Variants in PRKCA observed in about 807,000 individuals in gnomAD.
PRKCA encodes the protein protein kinase C alpha.
PRKCA carries 27 observed loss-of-function variants against 87.0 expected under a neutral mutation model. The observed-to-expected ratio is 0.31, with a 90% CI of 0.23 to 0.43. PRKCA has a LOEUF of 0.43. PRKCA is among the 20% of genes least tolerant of loss of function. The pLI is 1.00. For missense variants in PRKCA, 518 were observed against 852.3 expected, an observed-to-expected ratio of 0.61 and a Z score of 4.88; for synonymous variants, 329 against 311.1, an observed-to-expected ratio of 1.06 and a Z score of -0.61.
intron 10 of PRKCA, among the ~76,000 whole-genome samples, chr17:66,736,130 C>T (rs1032708846): frequency 1.3e-5 from 2 of 151,874 alleles, no homozygotes; most frequent in Admixed American, 6.5e-5. Context: ...GATCCCCCTA[C>T]GTTGGCCTCC....
intron 14 of PRKCA, among the ~76,000 whole-genome samples, chr17:66,786,047 C>A (rs1975380435): frequency 6.6e-6 from 1 of 152,206 alleles, no homozygotes; most frequent in African/African-American, 2.4e-5. Context: ...CCAGGATGGT[C>A]TCGATCACCT....
chr17:66,417,845 A>G (rs1366124390), intron 2 of PRKCA, among the ~76,000 whole-genome samples: 2 of 152,136 alleles, frequency 1.3e-5, no homozygotes, highest in Non-Finnish European at 2.9e-5. Flanking sequence ...TGCTCAGGCC[A>G]TTCTTTGGTT....
At chr17:66,501,187 T>C (rs1365696245) in intron 3 of PRKCA, among the ~76,000 whole-genome samples, 5 of 152,154 alleles carry the variant, frequency 3.3e-5, no homozygotes, top group African/African-American at 9.7e-5. Flanking sequence ...AGTAGCCAGA[T>C]GGGAAGACAT....
intron 3 of PRKCA, among the ~76,000 whole-genome samples, chr17:66,557,151 A>T (rs929237245): frequency 1.8e-4 from 28 of 152,194 alleles, no homozygotes; most frequent in African/African-American, 6.3e-4. Context: ...CAGAAGGGCT[A>T]TCTAACTTGA....
chr17:66,533,612 A>AT, intron 3 of PRKCA, among the ~76,000 whole-genome samples: 1 of 152,096 alleles, frequency 6.6e-6, no homozygotes, highest in South Asian at 2.1e-4. Context: ...TTGCCCATTC[A>AT]TTTTTCCCAT....
chr17:66,582,885 C>T (rs1226090089), intron 3 of PRKCA, among the ~76,000 whole-genome samples: 1 of 152,122 alleles, frequency 6.6e-6, no homozygotes, highest in East Asian at 1.9e-4. Context: ...AGTGTGAGCC[C>T]CGTGTGACCT....
intron 2 of PRKCA, among the ~76,000 whole-genome samples, chr17:66,356,202 A>T (rs1908038975): frequency 6.6e-6 from 1 of 152,166 alleles, no homozygotes; most frequent in African/African-American, 2.4e-5. Context: ...CCCATCGGTG[A>T]TTTTTTTTAA....
intron 2 of PRKCA, among the ~76,000 whole-genome samples, chr17:66,469,143 C>T (rs74819154): frequency 0.014 from 2,091 of 152,286 alleles, 19 homozygotes; most frequent in Middle Eastern, 0.031. Flanking sequence ...ACATTCCAGT[C>T]GTTCACCATC....
At chr17:66,655,991 T>A (rs1222504577) in intron 5 of PRKCA, among the ~76,000 whole-genome samples, 1 of 152,178 alleles carries the variant, frequency 6.6e-6, no homozygotes, top group African/African-American at 2.4e-5. Context: ...CATCTTAATG[T>A]CAGATATGTA....
intron 2 of PRKCA, among the ~76,000 whole-genome samples, chr17:66,482,098 C>CAAAAAAAAAAAAAAAAAAAAA (rs58719328): frequency 4.5e-5 from 4 of 89,340 alleles, no homozygotes; most frequent in African/African-American, 4.6e-5. Flanking sequence ...AAGACTGTCT[C>CAAAAAAAAAAAAAAAAAAAAA]AAAAAAAAAA....
intron 2 of PRKCA, among the ~76,000 whole-genome samples, chr17:66,395,488 C>T (rs1910611220): frequency 6.6e-6 from 1 of 152,030 alleles, no homozygotes; most frequent in East Asian, 1.9e-4. Context: ...TTGGATTAAC[C>T]ACATTTCACA....
intron 2 of PRKCA, among the ~76,000 whole-genome samples, chr17:66,355,104 C>T (rs546412231): frequency 9.1e-4 from 139 of 152,310 alleles, no homozygotes; most frequent in African/African-American, 3.1e-3. Flanking sequence ...AAGCACATTT[C>T]GTGGCATTTG....
intron 2 of PRKCA, among the ~76,000 whole-genome samples, chr17:66,359,193 A>G (rs1908238911): frequency 6.6e-6 from 1 of 152,160 alleles, no homozygotes; most frequent in Non-Finnish European, 1.5e-5. Flanking sequence ...AATTTAGGTG[A>G]TGTTAAGTCT....
chr17:66,463,067 G>C, intron 2 of PRKCA, among the ~76,000 whole-genome samples: 1 of 152,114 alleles, frequency 6.6e-6, no homozygotes, highest in East Asian at 1.9e-4. Context: ...CTGGAGCAGT[G>C]CTGGGTGGAG....
chr17:66,438,685 G>A (rs191623630), intron 2 of PRKCA, among the ~76,000 whole-genome samples: 1 of 152,146 alleles, frequency 6.6e-6, no homozygotes, highest in Non-Finnish European at 1.5e-5. Context: ...CTGCATGGCT[G>A]GGGAGGCCTC....
intron 3 of PRKCA, among the ~76,000 whole-genome samples, chr17:66,560,382 T>C (rs1968640805): frequency 6.6e-6 from 1 of 152,276 alleles, no homozygotes; most frequent in African/African-American, 2.4e-5. Context: ...TTAAGAACAT[T>C]CTGTAAGTAT....
At chr17:66,388,739 C>T (rs527311571) in intron 2 of PRKCA, among the ~76,000 whole-genome samples, 3 of 152,308 alleles carry the variant, frequency 2.0e-5, no homozygotes, top group East Asian at 3.9e-4. Context: ...TTTGTCTGCA[C>T]ATCTGCACTG....
At chr17:66,646,078 C>G (rs917565771) in intron 5 of PRKCA, among the ~76,000 whole-genome samples, 1 of 152,140 alleles carries the variant, frequency 6.6e-6, no homozygotes, top group African/African-American at 2.4e-5. Context: ...AACTGAGGCA[C>G]AGAGAGATCA....
At chr17:66,506,253 G>A (rs1249841680) in intron 3 of PRKCA, among the ~76,000 whole-genome samples, 1 of 151,556 alleles carries the variant, frequency 6.6e-6, no homozygotes, top group Non-Finnish European at 1.5e-5. Flanking sequence ...CCGACATCGT[G>A]CCACTGCATT....
Sources: allele counts gnomAD v4.1 joint callset (sites outside exome capture counted in the v4.1 genomes callset), GRCh38; gene constraint gnomAD v4.1.1; transcripts MANE v1.5; gene names NCBI Gene and HGNC (gene_info 2026-07-23, HGNC 2026-07-21).